The following ABCA12 variants were observed in gnomAD, a reference collection of about 807,000 sequenced individuals.
ABCA12 encodes glucosylceramide transporter ABCA12.
In ABCA12, 156 loss-of-function variants were observed where a neutral mutation model predicts 293.5. The ratio of observed to expected loss-of-function variants is 0.53; its 90% CI spans 0.47 to 0.61. The LOEUF is 0.61. Among genes scored for constraint, ABCA12 ranks in the 20% least tolerant of loss-of-function variants. The pLI, the probability that ABCA12 is intolerant of heterozygous loss-of-function variation, is 0.00. For missense variants in ABCA12, 2,797 were observed against 3,090.2 expected, an observed-to-expected ratio of 0.91 and a Z score of 2.25; for synonymous variants, 1,063 against 1,108.0, an observed-to-expected ratio of 0.96 and a Z score of 0.81.
chr2:214,971,583 A>G (rs1215531518), intron 36 of ABCA12, among the ~76,000 whole-genome samples: 1 of 152,216 alleles, frequency 6.6e-6, no homozygotes, highest in African/African-American at 2.4e-5. Flanking sequence ...TTAATGGAAT[A>G]GTATAAATGT....
chr2:215,045,917 C>T lies in ABCA12; in HGVS notation c.792G>A (p.Gln264=), dbSNP rs1351073868. The T allele has an allele frequency of 6.2e-7, 1 of 1,613,688 alleles. No individual in the cohort carries two copies. Among genetic ancestry groups the T allele is most frequent in the Non-Finnish European group, 8.5e-7 (1 of 1,179,788 alleles). Residue 264 remains glutamine (Q), a synonymous_variant, in exon 7 of 53, where the codon CAG becomes CAA. Coordinates refer to ENST00000272895, the MANE Select transcript of ABCA12 (RefSeq NM_173076.3). ...ACACATTTGGAAAACTAGACAGAAG[C>T]TGCCACACAGCTTTCTGCTCTTGCA... ...SQVQEQKAVW[Q]LLSSFPNVFQ... is the part of the protein sequence containing the mutation.
chr2:214,989,380 C>G lies in ABCA12; in HGVS notation c.3778G>C (p.Asp1260His). The G allele has an allele frequency of 6.2e-7, 1 of 1,613,386 alleles. No individual in the cohort carries two copies. ...GCAATAAGGAAATAAATGAAAGAGT[C>G]AGCTAGGATTAGACAGCACAGCCAG... ...FGWLCCLILA[D>H]SFIYFLIAWY... Residue 1260 changes from aspartate to histidine, a missense_variant, in exon 26 of 53, where the codon GAC becomes CAC. Around this residue, in one of 3 missense-constraint regions of ABCA12, gnomAD observed 2,130 missense variants for 2,427.0 expected, o/e 0.88. Coordinates refer to ENST00000272895, the MANE Select transcript of ABCA12 (RefSeq NM_173076.3).
At chr2:215,095,397 A>G (rs974542835) in intron 2 of ABCA12, among the ~76,000 whole-genome samples, 3 of 152,098 alleles carry the variant, frequency 2.0e-5, no homozygotes, top group African/African-American at 7.2e-5. Context: ...TTAGTTTCCC[A>G]ATTCATACAG....
At chr2:215,073,346 C>A (rs958410345) in intron 2 of ABCA12, among the ~76,000 whole-genome samples, 2 of 151,988 alleles carry the variant, frequency 1.3e-5, no homozygotes, top group Non-Finnish European at 2.9e-5. Flanking sequence ...TTTAAATAGA[C>A]CCCTAGAATC....
chr2:215,009,654 T>C (rs1386462317), intron 18 of ABCA12, among the ~76,000 whole-genome samples: 1 of 152,208 alleles, frequency 6.6e-6, no homozygotes, highest in East Asian at 1.9e-4. Flanking sequence ...TCCATTATTC[T>C]GTAGCATATA....
intron 3 of ABCA12, among the ~76,000 whole-genome samples, chr2:215,059,139 A>AT: frequency 1.3e-5 from 2 of 152,094 alleles, no homozygotes; most frequent in South Asian, 4.1e-4. Context: ...TTGTATATGT[A>AT]TTTTTTCTCA....
intron 2 of ABCA12, among the ~76,000 whole-genome samples, chr2:215,074,996 C>T (rs1485593066): frequency 6.6e-6 from 1 of 151,850 alleles, no homozygotes; most frequent in Admixed American, 6.6e-5. Flanking sequence ...GGGATAGATA[C>T]AGCTTTTACT....
intron 8 of ABCA12, chr2:215,032,220 G>A (rs1700894077): frequency 4.8e-6 from 3 of 623,792 alleles, no homozygotes; most frequent in Non-Finnish European, 6.6e-6. Context: ...GTACTATAAT[G>A]AAGATTGACT....
Position 214,975,916 on chromosome 2 carries a change from C to G in ABCA12, c.5250G>C (p.Gln1750His), listed in dbSNP as rs1358517048. 1.2e-6 allele frequency: 2 copies of G among 1,614,094 alleles called. No homozygotes were observed. Among genetic ancestry groups the G allele is most frequent in the South Asian group, 1.1e-5 (1 of 91,078 alleles). ...TAACAAAGACGATGGGGAGGATAAC[C>G]TGAGCAATGAGACCTTTCCAGTTCC... ...TRRNWKGLIA[Q>H]VILPIVFVTT... The change falls in exon 34 of 53, where the codon CAG (glutamine) becomes CAC (histidine). Residue 1750 changes from glutamine (Q) to histidine (H), a missense_variant. Transcript: ENST00000272895.
chr2:214,996,479 T>C (rs867678099), intron 23 of ABCA12, among the ~76,000 whole-genome samples: 1 of 152,166 alleles, frequency 6.6e-6, no homozygotes, highest in African/African-American at 2.4e-5. Context: ...TTCTGAATAC[T>C]GGGAACCTGA....
chr2:215,022,779 C>T (rs143103529), intron 11 of ABCA12: 1 of 151,980 alleles, frequency 6.6e-6, no homozygotes, highest in African/African-American at 2.4e-5. Flanking sequence ...AATGATAAAG[C>T]AGCAATATTC....
chr2:215,040,259 A>C (rs930963536), intron 7 of ABCA12, among the ~76,000 whole-genome samples: 1 of 152,232 alleles, frequency 6.6e-6, no homozygotes, highest in Admixed American at 6.5e-5. Flanking sequence ...ATGCTATTCT[A>C]TCAAAAAGGC....
In ABCA12 at chr2:214,972,499, T is replaced by C. The variant is rs34546087; in HGVS notation, c.5562+1450A>G. On this transcript the variant is annotated intron_variant, in intron 36 of 52. Coordinates refer to ENST00000272895, the MANE Select transcript of ABCA12 (RefSeq NM_173076.3). Reference sequence around the variant, plus strand: ...TCACAGCACTGCAGCCTTGACCCCGTGGGCTCAAGCCATCGTCCCACTTCA... The same window carrying C: ...TCACAGCACTGCAGCCTTGACCCCGCGGGCTCAAGCCATCGTCCCACTTCA... Among the ~76,000 whole-genome samples the C allele has an allele frequency of 3.2e-3, 481 of 152,180 alleles. 7 individuals are homozygous for C. The highest frequency in any genetic ancestry group is 0.031 in the East Asian group (161 of 5,158).
At chr2:215,023,576 T>C (rs576256057) in intron 11 of ABCA12, 217 of 152,308 alleles carry the variant, frequency 1.4e-3, no homozygotes, top group African/African-American at 5.1e-3. Context: ...CCCTAGTGTA[T>C]ATTATGTGCT....
At chr2:215,035,332 T>G (rs533774072) in intron 8 of ABCA12, among the ~76,000 whole-genome samples, 1 of 152,282 alleles carries the variant, frequency 6.6e-6, no homozygotes, top group African/African-American at 2.4e-5. Flanking sequence ...TACATTTCCT[T>G]GGTGTATGTC....
In ABCA12 at chr2:215,137,489, C is replaced by T. The variant is rs115050598; in HGVS notation, c.69+651G>A. Among the ~76,000 whole-genome samples the T allele has an allele frequency of 3.5e-3, 527 of 152,186 alleles. 2 individuals carry two copies. Among genetic ancestry groups the T allele is most frequent in the Middle Eastern group, 0.024 (7 of 294 alleles). On this transcript the variant is annotated intron_variant, in intron 1 of 52. Coordinates refer to ENST00000272895, the MANE Select transcript of ABCA12 (RefSeq NM_173076.3). ...CTAATAGCTAACTTTGTAATTAGAA[C>T]GCAAACATTAATGTAAGAGTACAAA...
At chr2:215,099,434 C>G (rs1416194926) in intron 2 of ABCA12, among the ~76,000 whole-genome samples, 1 of 152,218 alleles carries the variant, frequency 6.6e-6, no homozygotes, top group Admixed American at 6.5e-5. Context: ...GTGGCTCACG[C>G]CTGTAATCCC....
chr2:215,090,516 C>T (rs1391967198), intron 2 of ABCA12, among the ~76,000 whole-genome samples: 1 of 152,146 alleles, frequency 6.6e-6, no homozygotes, highest in Non-Finnish European at 1.5e-5. Context: ...CTCTCCCTTC[C>T]TTAATATTGG....
intron 39 of ABCA12, chr2:214,962,377 G>A (rs1217116713): frequency 6.6e-6 from 1 of 151,814 alleles, no homozygotes; most frequent in African/African-American, 2.4e-5. Context: ...ATAATAGTAG[G>A]GGATAATAAT....
Sources: allele counts gnomAD v4.1 joint callset (sites outside exome capture counted in the v4.1 genomes callset), GRCh38; gene constraint gnomAD v4.1.1; regional missense constraint gnomAD v4.1.1; transcripts MANE v1.5; gene names NCBI Gene and HGNC (gene_info 2026-07-23, HGNC 2026-07-21).